AXIN2: variants seen among roughly 807,000 people sequenced by gnomAD.
AXIN2 encodes the protein axin 2, also known as axin-2.
Under a neutral mutation model 74.7 loss-of-function variants are expected in AXIN2, and 21 were observed. The ratio of observed to expected loss-of-function variants is 0.28; its 90% CI spans 0.20 to 0.40. The LOEUF (loss-of-function observed/expected upper bound fraction) is 0.40, where lower values mean the gene tolerates loss of function less well. Among genes scored for constraint, AXIN2 ranks in the 10% least tolerant of loss-of-function variants. AXIN2 has a pLI of 1.00. For synonymous variants in AXIN2, 532 were observed against 454.9 expected (o/e 1.17, Z -2.16); for missense variants, 1,144 against 1,111.1 (o/e 1.03, Z -0.42).
intron 9 of AXIN2, among the ~76,000 whole-genome samples, chr17:65,534,916 C>T (rs1044761860): frequency 4.0e-5 from 6 of 151,624 alleles, no homozygotes; most frequent in African/African-American, 1.5e-4. Context: ...GGCAACAGGG[C>T]GAGACTCTGT....
chr17:65,537,117 A>T, intron 6 of AXIN2, 54 bp from the exon 7 acceptor site: 2 of 1,574,056 alleles, frequency 1.3e-6, no homozygotes, highest in East Asian at 4.5e-5. Flanking sequence ...AATCTCCGGG[A>T]CTCCTAGAAT....
intron 6 of AXIN2, 28 bp downstream of exon 6, chr17:65,537,296 G>C (rs767592977): frequency 1.1e-5 from 18 of 1,613,156 alleles, no homozygotes; most frequent in Middle Eastern, 1.8e-4. Context: ...AGCCCCACAC[G>C]GGACACTGCG....
At chr17:65,559,662 G>C (rs1475820807) in intron 1 of AXIN2, among the ~76,000 whole-genome samples, 37 of 152,184 alleles carry the variant, frequency 2.4e-4, no homozygotes, top group Non-Finnish European at 2.9e-5. Context: ...CCTGTGCCAA[G>C]AATCCCAAAC....
chr17:65,557,883 G>A lies in AXIN2; in HGVS notation c.738C>T (p.Thr246=), dbSNP rs201191083. The change falls in exon 2 of 11, where the codon ACC becomes ACT. Residue 246 remains threonine (T), a synonymous_variant. Transcript: ENST00000307078. ...GAGTTTTGCTGGACAAGCCAACCAC[G>A]GTTGGCGAAAGTTTGCACTTGAAGT... ...CADFKCKLSP[T]VVGLSSKTLR... is the part of the protein sequence containing the mutation. The A allele has an allele frequency of 5.9e-5, 95 of 1,614,078 alleles. No homozygotes were observed. The highest frequency in any genetic ancestry group is 2.7e-5 in the African/African-American group (2 of 74,920).
At chr17:65,560,877 G>A (rs1165214422) in intron 1 of AXIN2, 1 of 149,382 alleles carries the variant, frequency 6.7e-6, no homozygotes, top group African/African-American at 2.4e-5. Flanking sequence ...CCCCTGGCAG[G>A]GGCCCGGCCC....
intron 4 of AXIN2, among the ~76,000 whole-genome samples, chr17:65,540,638 G>A (rs1219828493): frequency 1.3e-5 from 2 of 152,090 alleles, no homozygotes; most frequent in African/African-American, 4.8e-5. Flanking sequence ...GGTGTTTCGT[G>A]CCCTCCCTGC....
intron 3 of AXIN2, among the ~76,000 whole-genome samples, chr17:65,543,210 G>T (rs552814016): frequency 6.6e-6 from 1 of 152,308 alleles, no homozygotes; most frequent in African/African-American, 2.4e-5. Flanking sequence ...AGAAAGGTAA[G>T]TATGGAGCAG....
chr17:65,557,100 A>G (rs943607266), intron 2 of AXIN2, among the ~76,000 whole-genome samples: 15 of 152,204 alleles, frequency 9.9e-5, no homozygotes, highest in African/African-American at 3.6e-4. Flanking sequence ...TCTCTTCTCC[A>G]TCAGCACTAA....
At position 65,558,583 on chromosome 17, in the gene AXIN2, G is replaced by C. The variant is rs2144592043; in HGVS notation, c.38C>G (p.Pro13Arg). Residue 13 changes from proline to arginine, a missense_variant, in exon 2 of 11, where the codon CCC becomes CGC. By Grantham distance (103) the Pro-to-Arg change is moderately radical. This residue lies in a region of AXIN2 where 23 missense variants were observed against 20.8 expected (regional missense o/e 1.11). Coordinates refer to ENST00000307078, the MANE Select transcript of AXIN2 (RefSeq NM_004655.4). ...GGCATCCTCACGGAAGCTGCTGCTG[G>C]GGTCCGGGAGGCAAGTCACCAACAT... ...SAMLVTCLPD[P>R]SSSFREDAPR... 1.2e-6 allele frequency: 2 copies of C among 1,610,832 alleles called. No individual in the cohort carries two copies. The highest frequency in any genetic ancestry group is 1.7e-6 in the Non-Finnish European group (2 of 1,179,994).
chr17:65,537,273 T>G, intron 6 of AXIN2, 51 bp downstream of exon 6: 1 of 1,611,636 alleles, frequency 6.2e-7, no homozygotes, highest in Non-Finnish European at 8.5e-7. Flanking sequence ...CCCATGGACC[T>G]GGCTGGGAGA....
At chr17:65,536,847 G>C (rs765670016) in intron 7 of AXIN2, 22 bp downstream of exon 7, 1 of 1,612,192 alleles carries the variant, frequency 6.2e-7, no homozygotes. Flanking sequence ...TCGCGGCCGC[G>C]GCGGCGGCAA....
rs775428814 is a variant in AXIN2, at chr17:65,538,667, C to CAAAAAAAAAAAAAAAAAAAAAAAAAAA, written c.1060-351_1060-325dup. Among the ~76,000 whole-genome samples, 27 of 35,828 alleles carry CAAAAAAAAAAAAAAAAAAAAAAAAAAA rather than the reference C, an allele frequency of 7.5e-4. 13 individuals carry two copies. Among genetic ancestry groups the CAAAAAAAAAAAAAAAAAAAAAAAAAAA allele is most frequent in the Admixed American group, 1.8e-3 (4 of 2,212 alleles). 23.5% of individuals were successfully genotyped at this position (35,828 alleles called of 152,430 possible). A position where few individuals can be genotyped will look rare whatever the true frequency, so the allele number is the denominator to read the frequency against. On this transcript the variant is annotated intron_variant, in intron 4 of 10. Transcript: ENST00000307078. ...ATCTTCAAAGACTGTTGTCAACCAT[C>CAAAAAAAAAAAAAAAAAAAAAAAAAAA]AAAAAAAAAAAAAAAAAAAAAAAAA... is the stretch of plus-strand genomic sequence containing the variant.
intron 3 of AXIN2, among the ~76,000 whole-genome samples, chr17:65,548,832 A>C (rs2044152156): frequency 6.6e-6 from 1 of 152,192 alleles, no homozygotes; most frequent in South Asian, 2.1e-4. Context: ...GGACCACGCC[A>C]ATGTCTTGGG....
At position 65,558,096 on chromosome 17, in the gene AXIN2, C is replaced by T. The variant is rs1191171105; in HGVS notation, c.525G>A (p.Gln175=). The T allele has an allele frequency of 6.2e-7, 1 of 1,614,126 alleles. No homozygotes were observed. Among genetic ancestry groups the T allele is most frequent in the South Asian group, 1.1e-5 (1 of 91,036 alleles). The stretch of plus-strand genomic sequence containing the variant: ...CCTCCATCACCGACTGGATCTCGGT[C>T]TGCGCCTGGTCAAACATGATGGAAT... ...QIDSIMFDQA[Q]TEIQSVMEEN... The change falls in exon 2 of 11, where the codon CAG becomes CAA. Residue 175 remains glutamine (Q), a synonymous_variant. Transcript: ENST00000307078.
chr17:65,560,709 C>A (rs1034067751), intron 1 of AXIN2: 2 of 151,872 alleles, frequency 1.3e-5, no homozygotes, highest in African/African-American at 4.8e-5. Flanking sequence ...GGGTCCGCCG[C>A]TCCCCTCCGC....
intron 5 of AXIN2, 75 bp downstream of exon 5, chr17:65,538,128 C>G (rs530046280): frequency 1.2e-6 from 2 of 1,605,974 alleles, no homozygotes; most frequent in African/African-American, 1.4e-5. Context: ...CCTAACGCAC[C>G]CCATGCACAT....
intron 7 of AXIN2, 133 bp downstream of exon 7, chr17:65,536,735 CG>C: frequency 2.1e-6 from 3 of 1,455,078 alleles, no homozygotes; most frequent in Middle Eastern, 2.1e-4. Context: ...CTCAGTCCAA[CG>C]TTTAATATTA....
At chr17:65,533,317 C>T (rs2043855067) in intron 10 of AXIN2, among the ~76,000 whole-genome samples, 1 of 152,218 alleles carries the variant, frequency 6.6e-6, no homozygotes, top group African/African-American at 2.4e-5. Flanking sequence ...CCAGCCCCTT[C>T]TTTGTTATGG....
rs759053175 is a variant in AXIN2, at chr17:65,532,216, GA to G, written c.2405+1695del. Among the ~76,000 whole-genome samples the G allele has an allele frequency of 2.1e-3, 298 of 144,812 alleles. 1 individual carries two copies. The highest frequency in any genetic ancestry group is 6.0e-3 in the African/African-American group (240 of 39,712). ...AGGCTTATTAACTGTGCCTCAGGGA[GA>G]AAAAAAAAAAATCAGAGCCAGATGT... On this transcript the variant is annotated intron_variant, in intron 10 of 10. Coordinates refer to ENST00000307078, the MANE Select transcript of AXIN2 (RefSeq NM_004655.4).
Sources: gnomAD v4.1 joint callset for allele counts (sites outside exome capture counted in the v4.1 genomes callset) on GRCh38, gnomAD v4.1.1 for gene constraint, gnomAD v4.1.1 regional missense constraint, MANE v1.5 for transcripts, NCBI Gene and HGNC (gene_info 2026-07-23, HGNC 2026-07-21) for gene names.